The following IMMP2L variants were observed in gnomAD, a reference collection of about 807,000 sequenced individuals.
IMMP2L encodes the protein mitochondrial inner membrane protease subunit 2.
IMMP2L carries 18 observed loss-of-function variants against 19.3 expected under a neutral mutation model. The observed-to-expected ratio is 0.93, with a 90% CI of 0.64 to 1.38. The LOEUF (loss-of-function observed/expected upper bound fraction) is 1.38, where lower values mean the gene tolerates loss of function less well. Ranked by LOEUF, IMMP2L falls within the 40% of genes most tolerant of loss-of-function variation. The pLI is 0.00. For synonymous variants in IMMP2L, 76 were observed against 73.0 expected, an observed-to-expected ratio of 1.04 and a Z score of -0.21; for missense variants, 233 against 218.2, an observed-to-expected ratio of 1.07 and a Z score of -0.43.
chr7:110,783,850 T>C (rs1262708997), intron 5 of IMMP2L, among the ~76,000 whole-genome samples: 1 of 151,868 alleles, frequency 6.6e-6, no homozygotes, highest in Non-Finnish European at 1.5e-5. Flanking sequence ...ACAAGTTCAT[T>C]GTAGTGTGGA....
chr7:111,174,663 A>G (rs1328702149), intron 3 of IMMP2L, among the ~76,000 whole-genome samples: 1 of 151,816 alleles, frequency 6.6e-6, no homozygotes, highest in Non-Finnish European at 1.5e-5. Context: ...TGACTCTAGT[A>G]AAACAATTAT....
At chr7:111,428,827 T>A (rs1836343323) in intron 3 of IMMP2L, among the ~76,000 whole-genome samples, 1 of 151,882 alleles carries the variant, frequency 6.6e-6, no homozygotes, top group East Asian at 1.9e-4. Context: ...CTAGAACATC[T>A]CCATAGTTGC....
chr7:110,822,728 A>C (rs1803143623), intron 5 of IMMP2L, among the ~76,000 whole-genome samples: 1 of 152,154 alleles, frequency 6.6e-6, no homozygotes, highest in Non-Finnish European at 1.5e-5. Context: ...AAACTTAGAA[A>C]GGTTAGAAGT....
intron 5 of IMMP2L, among the ~76,000 whole-genome samples, chr7:110,768,954 T>A (rs1254188075): frequency 1.3e-5 from 2 of 152,104 alleles, no homozygotes; most frequent in African/African-American, 2.4e-5. Flanking sequence ...GCTTACAGGG[T>A]AGAGATGGCT....
chr7:111,160,825 C>A (rs565747260), intron 3 of IMMP2L, among the ~76,000 whole-genome samples: 62 of 150,562 alleles, frequency 4.1e-4, no homozygotes, highest in African/African-American at 1.3e-3. Context: ...AAAGTTAATT[C>A]TTTGAAAAAA....
chr7:111,485,325 C>T (rs1842539176), intron 3 of IMMP2L, among the ~76,000 whole-genome samples: 1 of 151,916 alleles, frequency 6.6e-6, no homozygotes, highest in African/African-American at 2.4e-5. Flanking sequence ...TCAGGCCGGG[C>T]GCAGTGGCTC....
chr7:111,222,371 CAT>C (rs951904980), intron 3 of IMMP2L, among the ~76,000 whole-genome samples: 2 of 151,576 alleles, frequency 1.3e-5, no homozygotes, highest in Admixed American at 6.6e-5. Context: ...AAAAAAAACA[CAT>C]GAGCAAAATT....
chr7:111,379,324 C>T (rs1319286377), intron 3 of IMMP2L, among the ~76,000 whole-genome samples: 10 of 151,168 alleles, frequency 6.6e-5, no homozygotes, highest in Non-Finnish European at 1.5e-4. Flanking sequence ...ATTTATATTC[C>T]AGTCAAGGAA....
At chr7:111,389,594 TGA>T (rs756662744) in intron 3 of IMMP2L, among the ~76,000 whole-genome samples, 13 of 150,160 alleles carry the variant, frequency 8.7e-5, no homozygotes, top group Non-Finnish European at 7.4e-5. Flanking sequence ...GAGGGCAGAT[TGA>T]GAGAGAGAGA....
intron 5 of IMMP2L, among the ~76,000 whole-genome samples, chr7:110,843,010 T>TA (rs1033305907): frequency 7.2e-5 from 11 of 152,048 alleles, no homozygotes; most frequent in Admixed American, 1.3e-4. Context: ...TCGAATCAGA[T>TA]AAAAAAAATC....
At chr7:110,864,320 CAT>C (rs377269434) in intron 5 of IMMP2L, among the ~76,000 whole-genome samples, 185 of 151,976 alleles carry the variant, frequency 1.2e-3, no homozygotes, top group Non-Finnish European at 2.4e-3. Context: ...AATGAGATGA[CAT>C]ATCAATTGAA....
intron 2 of IMMP2L, among the ~76,000 whole-genome samples, chr7:111,510,360 C>T (rs1456416142): frequency 6.6e-6 from 1 of 151,984 alleles, no homozygotes; most frequent in Non-Finnish European, 1.5e-5. Flanking sequence ...GGATCCTCTG[C>T]TGTATTGTAT....
chr7:110,813,299 T>C (rs1433599502), intron 5 of IMMP2L, among the ~76,000 whole-genome samples: 1 of 152,136 alleles, frequency 6.6e-6, no homozygotes, highest in Non-Finnish European at 1.5e-5. Context: ...GTTTTTCCTT[T>C]TTTTATTTGG....
rs545119933 is a variant in IMMP2L, at chr7:111,188,431, G to A, written c.240-224866C>T. On this transcript the variant is annotated intron_variant, in intron 3 of 5. Coordinates refer to ENST00000405709, the MANE Select transcript of IMMP2L (RefSeq NM_032549.4). ...TTGTTTCTTCATATGGCAGAAAGGG[G>A]GCAACAGACTGTTCTGGAGTCCCTT... is the stretch of plus-strand genomic sequence containing the variant. 7.9e-5 allele frequency among the ~76,000 whole-genome samples: 12 copies of A among 152,160 alleles called. No individual in the cohort carries two copies. In the East Asian group the frequency reaches 2.1e-3, roughly 27 times the overall value.
chr7:111,045,641 G>A (rs1277251974), intron 3 of IMMP2L, among the ~76,000 whole-genome samples: 3 of 152,124 alleles, frequency 2.0e-5, no homozygotes, highest in African/African-American at 7.2e-5. Context: ...TGCAATATAA[G>A]ACTCTATGAA....
intron 3 of IMMP2L, among the ~76,000 whole-genome samples, chr7:111,265,000 G>A (rs1402817571): frequency 6.6e-6 from 1 of 152,080 alleles, no homozygotes; most frequent in African/African-American, 2.4e-5. Context: ...AGAGTTAACT[G>A]TTTAAAGCAA....
intron 1 of IMMP2L, among the ~76,000 whole-genome samples, chr7:111,533,417 C>T (rs914747576): frequency 1.3e-5 from 2 of 152,118 alleles, no homozygotes; most frequent in African/African-American, 4.8e-5. Flanking sequence ...ATCAGAACTA[C>T]AAAGCTGACC....
At chr7:110,919,435 A>G (rs902149327) in intron 4 of IMMP2L, among the ~76,000 whole-genome samples, 3 of 152,180 alleles carry the variant, frequency 2.0e-5, no homozygotes, top group Non-Finnish European at 4.4e-5. Context: ...AATTATACTG[A>G]GTCTATGCCA....
At chr7:111,286,586 G>A (rs1471533422) in intron 3 of IMMP2L, among the ~76,000 whole-genome samples, 2 of 152,120 alleles carry the variant, frequency 1.3e-5, no homozygotes, top group African/African-American at 4.8e-5. Context: ...AGACCGTTTT[G>A]ATAAGGACAA....
Sources: gnomAD v4.1 joint callset for allele counts (sites outside exome capture counted in the v4.1 genomes callset) on GRCh38, gnomAD v4.1.1 for gene constraint, MANE v1.5 for transcripts, NCBI Gene and HGNC (gene_info 2026-07-23, HGNC 2026-07-21) for gene names.